Variants in IL34 observed in about 807,000 individuals in gnomAD.
IL34 encodes the protein interleukin-34.
A neutral mutation model predicts 25.3 loss-of-function variants in IL34; 17 were observed. The ratio of observed to expected loss-of-function variants is 0.67; its 90% CI spans 0.46 to 1.01. The LOEUF (loss-of-function observed/expected upper bound fraction) is 1.01, where lower values mean the gene tolerates loss of function less well. IL34 is among the 50% of genes least tolerant of loss of function. The pLI, the probability that IL34 is intolerant of heterozygous loss-of-function variation, is 0.00. For synonymous variants in IL34, 174 were observed against 140.9 expected (o/e 1.23, Z -1.66); for missense variants, 368 against 312.9 (o/e 1.18, Z -1.33).
upstream of IL34, among the ~76,000 whole-genome samples, chr16:70,646,290 A>T (rs2051927380): frequency 6.6e-6 from 1 of 151,780 alleles, no homozygotes; most frequent in African/African-American, 2.4e-5. Context: ...ATGGCTCTCG[A>T]TGTGTGAACT....
At chr16:70,600,583 C>T (rs1214136029) in intron 1 of IL34, among the ~76,000 whole-genome samples, 1 of 152,210 alleles carries the variant, frequency 6.6e-6, no homozygotes, top group Non-Finnish European at 1.5e-5. Flanking sequence ...TTAGCATCCC[C>T]TCTGAAATTA....
chr16:70,613,887 A>G (rs2051131806), intron 1 of IL34, among the ~76,000 whole-genome samples: 1 of 143,922 alleles, frequency 6.9e-6, no homozygotes, highest in African/African-American at 2.6e-5. Flanking sequence ...AAAAAAAAAA[A>G]GAAAGAAATG....
At chr16:70,597,811 A>G (rs2050845774) in intron 1 of IL34, among the ~76,000 whole-genome samples, 1 of 152,120 alleles carries the variant, frequency 6.6e-6, no homozygotes. Flanking sequence ...AGGCCAGGAA[A>G]TGCCTGGGTG....
rs191542601 is a variant in IL34, at chr16:70,638,522, C to A, written c.-400-8026C>A. On this transcript the variant is annotated intron_variant, in intron 1 of 6. Transcript: ENST00000429149. ...AAACTTTCCTGCCTTCTGACCCCCC[C>A]ACTCTCTCTCTGGTCCCCTGGTTGG... Among the ~76,000 whole-genome samples, 8 of 152,144 alleles carry A rather than the reference C, an allele frequency of 5.3e-5. No homozygotes were observed. The South Asian group carries it at 1.0e-3, about 20-fold the overall frequency.
At chr16:70,623,523 C>T (rs1406818002) in intron 1 of IL34, among the ~76,000 whole-genome samples, 1 of 151,954 alleles carries the variant, frequency 6.6e-6, no homozygotes, top group Non-Finnish European at 1.5e-5. Context: ...TCAAAGCATG[C>T]TGTGGGATGG....
upstream of IL34, among the ~76,000 whole-genome samples, chr16:70,645,979 G>C (rs575471162): frequency 1.3e-5 from 2 of 152,306 alleles, no homozygotes; most frequent in South Asian, 2.1e-4. Context: ...CTTGAACCCT[G>C]GAGGTGGAGG....
At position 70,659,704 on chromosome 16, in the gene IL34, CCTG is replaced by C; in HGVS notation, c.493_495del (p.Leu165del). The C allele has an allele frequency of 6.2e-7, 1 of 1,611,500 alleles. No individual in the cohort carries two copies. Among genetic ancestry groups the C allele is most frequent in the Non-Finnish European group, 8.5e-7 (1 of 1,178,924 alleles). ...ACCTGAAGCTGGTGCGGCCCAAAGC[CCTG>C]CTGGACAACTGCTTCCGGGTCATGG... On this transcript the variant is annotated inframe_deletion, in exon 5 of 6. Coordinates refer to ENST00000288098, the MANE Select transcript of IL34 (RefSeq NM_001393494.1).
intron 1 of IL34, among the ~76,000 whole-genome samples, chr16:70,614,156 C>T (rs1011610086): frequency 3.4e-5 from 5 of 147,578 alleles, no homozygotes; most frequent in Non-Finnish European, 6.0e-5. Flanking sequence ...TGCACTCCAG[C>T]CTGGGCAATG....
Position 70,656,597 on chromosome 16 carries a change from TC to T in IL34, c.163-3del. The T allele has an allele frequency of 8.0e-7, 1 of 1,253,888 alleles. No homozygotes were observed. The highest frequency in any genetic ancestry group is 1.2e-5 in the South Asian group (1 of 83,948). 77.7% of individuals were successfully genotyped at this position (1,253,888 alleles called of 1,614,324 possible). A position where few individuals can be genotyped will look rare whatever the true frequency, so the allele number is the denominator to read the frequency against. On this transcript the variant is annotated splice_polypyrimidine_tract_variant and splice_region_variant and intron_variant, in intron 2 of 5. Transcript: ENST00000288098. ...GCCTCATAGTTTGTTCTTGTGCCTC[TC>T]CAGAAACACTACTTCCCCATCAACT...
chr16:70,627,087 C>G (rs918234918), intron 1 of IL34, among the ~76,000 whole-genome samples: 6 of 152,098 alleles, frequency 3.9e-5, no homozygotes, highest in African/African-American at 1.4e-4. Flanking sequence ...CTCAGCCTCC[C>G]AAAGTGCTGG....
chr16:70,650,992 C>T (rs2052063808), intron 1 of IL34, among the ~76,000 whole-genome samples: 2 of 152,152 alleles, frequency 1.3e-5, no homozygotes, highest in Admixed American at 6.5e-5. Flanking sequence ...GAGTGGATCA[C>T]GAGGTCAGGA....
At chr16:70,592,200 C>G (rs142077195) in intron 1 of IL34, among the ~76,000 whole-genome samples, 14 of 149,284 alleles carry the variant, frequency 9.4e-5, no homozygotes, top group African/African-American at 1.5e-4. Context: ...GCCAGCAGAC[C>G]TGCTGGCCCG....
chr16:70,621,732 G>T (rs2051287077), intron 1 of IL34, among the ~76,000 whole-genome samples: 1 of 152,094 alleles, frequency 6.6e-6, no homozygotes, highest in African/African-American at 2.4e-5. Flanking sequence ...AGATAAGGGT[G>T]GGGCCGTTTT....
intron 1 of IL34, among the ~76,000 whole-genome samples, chr16:70,632,561 C>G (rs2051544032): frequency 6.6e-6 from 1 of 152,042 alleles, no homozygotes; most frequent in Non-Finnish European, 1.5e-5. Context: ...GGCTTAAACT[C>G]CAAGGAAGGG....
intron 2 of IL34, 37 bp downstream of exon 2, chr16:70,654,708 C>G (rs377345866): frequency 2.6e-6 from 4 of 1,567,524 alleles, no homozygotes; most frequent in African/African-American, 2.7e-5. Context: ...CCTGTCCCCG[C>G]GTCCCGGGGT....
At chr16:70,649,127 G>A (rs988878600) in intron 1 of IL34, among the ~76,000 whole-genome samples, 1 of 152,190 alleles carries the variant, frequency 6.6e-6, no homozygotes, top group Non-Finnish European at 1.5e-5. Context: ...CTTAGCCTGC[G>A]AGGGTTCTTG....
intron 1 of IL34, among the ~76,000 whole-genome samples, chr16:70,623,959 A>AGAAG (rs1288661100): frequency 7.0e-6 from 1 of 142,814 alleles, no homozygotes; most frequent in African/African-American, 2.6e-5. Context: ...GTATTGATTA[A>AGAAG]GGCGACGGAC....
chr16:70,580,780 C>CAA (rs200027520), intron 1 of IL34, among the ~76,000 whole-genome samples: 75 of 81,108 alleles, frequency 9.2e-4, no homozygotes, highest in African/African-American at 2.6e-3. Context: ...GACTATGTCT[C>CAA]AAAAAAAAAA....
intron 1 of IL34, among the ~76,000 whole-genome samples, chr16:70,617,254 C>T (rs923112302): frequency 1.3e-5 from 2 of 152,162 alleles, no homozygotes; most frequent in Admixed American, 6.5e-5. Flanking sequence ...AGACCTAGGA[C>T]ATCTGATTAG....
Sources: allele counts gnomAD v4.1 joint callset (sites outside exome capture counted in the v4.1 genomes callset), GRCh38; gene constraint gnomAD v4.1.1; transcripts MANE v1.5; gene names NCBI Gene and HGNC (gene_info 2026-07-23, HGNC 2026-07-21).